Variants in BUD23 observed in about 807,000 individuals in gnomAD.
BUD23 encodes BUD23 rRNA methyltransferase and ribosome maturation factor, also known as 18S rRNA (guanine-N(7))-methyltransferase.
A neutral mutation model predicts 47.0 loss-of-function variants in BUD23; 34 were observed. The ratio of observed to expected loss-of-function variants is 0.72; its 90% CI spans 0.55 to 0.96. The LOEUF (loss-of-function observed/expected upper bound fraction) is 0.96. Among genes scored for constraint, BUD23 ranks in the 40% least tolerant of loss-of-function variants. BUD23 has a pLI of 0.00. For missense variants in BUD23, 343 were observed against 361.2 expected, an observed-to-expected ratio of 0.95 and a Z score of 0.41; for synonymous variants, 124 against 132.0, an observed-to-expected ratio of 0.94 and a Z score of 0.41.
chr7:73,692,773 C>A, intron 7 of BUD23, 127 bp downstream of exon 7: 1 of 862,158 alleles, frequency 1.2e-6, no homozygotes, highest in Non-Finnish European at 1.8e-6. Context: ...CCTAGTGTGG[C>A]CCCTGATGGC....
chr7:73,694,228 G>C (rs1798308841), intron 10 of BUD23, 178 bp downstream of exon 10: 1 of 628,942 alleles, frequency 1.6e-6, no homozygotes, highest in Non-Finnish European at 2.6e-6. Context: ...AGGGGTTTGG[G>C]GTCCTGGATG....
chr7:73,686,510 C>T (rs1383257370), intron 2 of BUD23, 126 bp from the exon 3 acceptor site: 21 of 837,142 alleles, frequency 2.5e-5, no homozygotes, highest in African/African-American at 1.0e-4. Context: ...AAGAGTACCT[C>T]GGGATGATTG....
chr7:73,693,540 G>C (rs1435717910), intron 8 of BUD23, 84 bp from the exon 9 acceptor site: 5 of 1,601,064 alleles, frequency 3.1e-6, no homozygotes, highest in Admixed American at 3.3e-5. Context: ...GGCAGGCGGA[G>C]GGGGTGCGGG....
Position 73,697,690 on chromosome 7 carries a change from G to T in BUD23, c.787G>T (p.Gly263Cys). 6.2e-7 allele frequency: 1 copy of T among 1,612,856 alleles called. No homozygotes were observed. The change falls in exon 11 of 12, where the codon GGC becomes TGC. Residue 263 changes from glycine (G) to cysteine (C), a missense_variant. Physicochemically the swap from Gly to Cys is radical, Grantham distance 159. Transcript: ENST00000265758. ...LEKKERHRRQ[G>C]REVRPDTQYT... ...GAAGAAGGAGCGGCACAGGCGCCAG[G>T]GCAGGTGAGTGCCAGCCTGGGAGCT...
chr7:73,683,749 A>G lies in BUD23; in HGVS notation c.49-18A>G, dbSNP rs201745700. 9.9e-5 allele frequency: 160 copies of G among 1,613,840 alleles called. No individual in the cohort carries two copies. Among genetic ancestry groups the G allele is most frequent in the Non-Finnish European group, 1.3e-4 (153 of 1,180,026 alleles). On this transcript the variant is annotated intron_variant, in intron 1 of 11. Transcript: ENST00000265758. ...CGTCTGAATTATTCCTCTACATGCC[A>G]TTTTCTCTTTTTCGCAGTTTTATGA...
Position 73,692,617 on chromosome 7 carries a change from C to A in BUD23, c.481C>A (p.Leu161Met), listed in dbSNP as rs1798234599. The A allele has an allele frequency of 1.2e-6, 2 of 1,613,898 alleles. No homozygotes were observed. Among genetic ancestry groups the A allele is most frequent in the Non-Finnish European group, 8.5e-7 (1 of 1,179,830 alleles). ...SVLVRGSRAVLQLYPENSEQL... is the reference protein window; with the variant it reads ...SVLVRGSRAVMQLYPENSEQL... ...TCAGGTCCGGGGATCCCGAGCTGTC[C>A]TGCAGCTGTACCCTGAGAACTCAGA... Residue 161 changes from leucine (L) to methionine (M), a missense_variant, in exon 7 of 12, where the codon CTG becomes ATG. By Grantham distance (15) the Leu-to-Met change is conservative. Coordinates refer to ENST00000265758, the MANE Select transcript of BUD23 (RefSeq NM_017528.5).
In BUD23 at chr7:73,693,383, G is replaced by A. The variant is rs782799925; in HGVS notation, c.565G>A (p.Val189Ile). The change falls in exon 8 of 12, where the codon GTA becomes ATA. Residue 189 changes from valine to isoleucine, a missense_variant. Transcript: ENST00000265758. ...GGCAGGCTTCTCCGGTGGCATGGTG[G>A]TAGACTACCCTAACAGTGCCAAAGC... The part of the protein sequence containing the change: ...TKAGFSGGMV[V>I]DYPNSAKAKK... 3.1e-6 allele frequency: 5 copies of A among 1,614,184 alleles called. No individual in the cohort carries two copies. Among genetic ancestry groups the A allele is most frequent in the South Asian group, 1.1e-5 (1 of 91,082 alleles).
At position 73,694,039 on chromosome 7, in the gene BUD23, C is replaced by G; in HGVS notation, c.690C>G (p.Phe230Leu). The G allele has an allele frequency of 6.2e-7, 1 of 1,610,232 alleles. No individual in the cohort carries two copies. The highest frequency in any genetic ancestry group is 1.1e-5 in the South Asian group (1 of 90,826). Residue 230 changes from phenylalanine to leucine, a missense_variant, in exon 10 of 12, where the codon TTC (phenylalanine) becomes TTG (leucine). By Grantham distance (22) the Phe-to-Leu change is conservative. Transcript: ENST00000265758. ...QDEVEPRESV[F>L]TNERFPLRMS... ...AAGTTGAACCCAGGGAGTCTGTGTT[C>G]ACCAATGAGAGGTAAAGCAACTGCT...
At chr7:73,690,132 G>A (rs1438814820) in intron 5 of BUD23, among the ~76,000 whole-genome samples, 1 of 152,172 alleles carries the variant, frequency 6.6e-6, no homozygotes, top group Non-Finnish European at 1.5e-5. Flanking sequence ...AGCCACCTGA[G>A]CAGCTGGTAT....
Position 73,692,979 on chromosome 7 carries a change from G to A in BUD23, c.510+333G>A, listed in dbSNP as rs116609941. 5.2e-3 allele frequency: 2,787 copies of A among 535,710 alleles called. 66 individuals are homozygous for A. Among genetic ancestry groups the A allele is most frequent in the African/African-American group, 0.047 (2,472 of 53,134 alleles). The allele number at this position is 535,710 out of a possible 1,614,324, so 33.2% of individuals were successfully genotyped here. On this transcript the variant is annotated intron_variant, in intron 7 of 11. Transcript: ENST00000265758. ...TGTGATGTATAAATTAAGGAATGGC[G>A]GAGTAGGATGTAGATGTTGAAAGAT...
chr7:73,686,173 G>A (rs1797960270), intron 2 of BUD23, among the ~76,000 whole-genome samples: 1 of 152,096 alleles, frequency 6.6e-6, no homozygotes, highest in Non-Finnish European at 1.5e-5. Context: ...CTATTGGGAA[G>A]CCATGCGTGG....
At position 73,686,852 on chromosome 7, in the gene BUD23, G is replaced by A; in HGVS notation, c.217G>A (p.Asp73Asn). 1 of 1,614,216 alleles carries A rather than the reference G, an allele frequency of 6.2e-7. No individual in the cohort carries two copies. The highest frequency in any genetic ancestry group is 1.1e-5 in the South Asian group (1 of 91,084). ...GTGLSGSYLSDEGHYWVGLDI... is the reference protein window; with the variant it reads ...GTGLSGSYLSNEGHYWVGLDI... ...TGGGCTGAGTGGAAGTTATCTGTCA[G>A]ATGAAGGGCACTATTGGGTGGGCCT... The change falls in exon 4 of 12, where the codon GAT becomes AAT. Residue 73 changes from aspartate to asparagine, a missense_variant. Coordinates refer to ENST00000265758, the MANE Select transcript of BUD23 (RefSeq NM_017528.5).
intron 6 of BUD23, among the ~76,000 whole-genome samples, chr7:73,691,283 T>A (rs1554613986): frequency 6.6e-6 from 1 of 152,192 alleles, no homozygotes; most frequent in Non-Finnish European, 1.5e-5. Flanking sequence ...GGCCTACTTC[T>A]GTTGATTGGT....
intron 7 of BUD23, 103 bp from the exon 8 acceptor site, chr7:73,693,226 G>A (rs1798259561): frequency 1.8e-6 from 2 of 1,099,312 alleles, no homozygotes; most frequent in African/African-American, 3.1e-5. Flanking sequence ...CTCCCAGGCA[G>A]GATTTGTCCT....
intron 10 of BUD23, 80 bp downstream of exon 10, chr7:73,694,130 A>C (rs1584226810): frequency 6.8e-7 from 1 of 1,461,274 alleles, no homozygotes. Flanking sequence ...CTCTGCCCTC[A>C]CCCAAGCCTC....
At chr7:73,691,917 C>T (rs945618800) in intron 6 of BUD23, among the ~76,000 whole-genome samples, 3 of 152,150 alleles carry the variant, frequency 2.0e-5, no homozygotes, top group Admixed American at 6.5e-5. Flanking sequence ...AAAATGAGTC[C>T]GTTTTGAAGG....
At chr7:73,691,186 G>T (rs1798181935) in intron 6 of BUD23, among the ~76,000 whole-genome samples, 174 bp downstream of exon 6, 1 of 152,170 alleles carries the variant, frequency 6.6e-6, no homozygotes, top group Non-Finnish European at 1.5e-5. Context: ...CTAAATGGAA[G>T]TTCAAGCTCA....
Position 73,697,873 on chromosome 7 carries a change from A to C in BUD23, c.833A>C (p.Lys278Thr). The C allele has an allele frequency of 6.2e-7, 1 of 1,614,022 alleles. No homozygotes were observed. The change falls in exon 12 of 12, where the codon AAG (lysine) becomes ACG (threonine). Residue 278 changes from lysine (K) to threonine (T), a missense_variant. Physicochemically the swap from Lys to Thr is moderately conservative, Grantham distance 78. Transcript: ENST00000265758. ...ACCCAGTACACCGGCCGCAAGCGCA[A>C]GCCCCGCTTCTAAGTCACCACGCGG... ...PDTQYTGRKR[K>T]PRF is the part of the protein sequence containing the mutation.
chr7:73,686,928 T>A, intron 4 of BUD23, 28 bp downstream of exon 4: 2 of 1,614,030 alleles, frequency 1.2e-6, no homozygotes, highest in Non-Finnish European at 1.7e-6. Flanking sequence ...GGCACCAGGG[T>A]GGATTACCCT....
Sources: gnomAD v4.1 joint callset for allele counts (sites outside exome capture counted in the v4.1 genomes callset) on GRCh38, gnomAD v4.1.1 for gene constraint, MANE v1.5 for transcripts, NCBI Gene and HGNC (gene_info 2026-07-23, HGNC 2026-07-21) for gene names.